The following EPS15L1 variants were observed in gnomAD, a reference collection of about 807,000 sequenced individuals.
EPS15L1 encodes epidermal growth factor receptor pathway substrate 15 like 1, also known as epidermal growth factor receptor substrate 15-like 1.
EPS15L1 carries 43 observed loss-of-function variants against 117.1 expected under a neutral mutation model. That is an observed-to-expected ratio of 0.37 (90% CI 0.29 to 0.47). The LOEUF (loss-of-function observed/expected upper bound fraction) is 0.47, where lower values mean the gene tolerates loss of function less well. Ranked by LOEUF, EPS15L1 falls within the 20% of genes least tolerant of loss-of-function variation. EPS15L1 has a pLI of 0.99. For synonymous variants in EPS15L1, 459 were observed against 470.5 expected (o/e 0.98, Z 0.32); for missense variants, 981 against 1,164.0 (o/e 0.84, Z 2.29).
Position 16,404,457 on chromosome 19 carries a change from T to C in EPS15L1, c.1428+131A>G. On this transcript the variant is annotated intron_variant, in intron 14 of 23. Transcript: ENST00000455140. The surrounding 1 kb of genome is among the most constrained non-coding windows in gnomAD (Gnocchi z 4.2). ...GGTGCTTGGACACTTTTCCACGTGG[T>C]GTTTGGAGGAACTCTATTGACCCAG... The C allele has an allele frequency of 9.9e-7, 1 of 1,012,054 alleles. No homozygotes were observed. The highest frequency in any genetic ancestry group is 1.4e-6 in the Non-Finnish European group (1 of 696,326). 62.7% of individuals were successfully genotyped at this position (1,012,054 alleles called of 1,614,324 possible). A position where few individuals can be genotyped will look rare whatever the true frequency, so the allele number is the denominator to read the frequency against.
In EPS15L1 at chr19:16,436,942, C is replaced by G; in HGVS notation, c.367G>C (p.Val123Leu). 1 of 1,613,424 alleles carries G rather than the reference C, an allele frequency of 6.2e-7. No individual in the cohort carries two copies. Among genetic ancestry groups the G allele is most frequent in the African/African-American group, 1.3e-5 (1 of 75,040 alleles). ...AGCTATTCCCGTTCACTTACCCTCA[C>G]AGCCCAGTGGGCCTCTGCAGAGGGC... The part of the protein sequence containing the change: ...TPPSAEAHWA[V>L]RVEEKAKFDG... The change falls in exon 6 of 24, where the codon GTG becomes CTG. Residue 123 changes from valine (V) to leucine (L), a missense_variant. Coordinates refer to ENST00000455140, the MANE Select transcript of EPS15L1 (RefSeq NM_001258374.3).
chr19:16,414,135 C>T (rs990799595), intron 12 of EPS15L1, among the ~76,000 whole-genome samples: 1 of 152,088 alleles, frequency 6.6e-6, no homozygotes, highest in Non-Finnish European at 1.5e-5. Flanking sequence ...TGATAAGGAC[C>T]CAGAGCGCCC....
chr19:16,385,021 C>T (rs906364853), intron 21 of EPS15L1, 108 bp downstream of exon 21: 35 of 856,360 alleles, frequency 4.1e-5, no homozygotes, highest in Admixed American at 4.0e-4. Context: ...TGGAAAGGTG[C>T]CGGGGAGATA....
At chr19:16,368,861 G>A (rs1413858094) in intron 22 of EPS15L1, among the ~76,000 whole-genome samples, 1 of 152,198 alleles carries the variant, frequency 6.6e-6, no homozygotes, top group Non-Finnish European at 1.5e-5. Context: ...CAACACAGAT[G>A]CCCATACAAC....
At chr19:16,375,923 G>A (rs1355855292) in intron 22 of EPS15L1, among the ~76,000 whole-genome samples, 3 of 152,204 alleles carry the variant, frequency 2.0e-5, no homozygotes, top group Admixed American at 6.5e-5. Context: ...ACAGGTGGCC[G>A]AGGTGCAGGA....
intron 23 of EPS15L1, among the ~76,000 whole-genome samples, chr19:16,360,774 C>T (rs749794018): frequency 6.6e-6 from 1 of 152,030 alleles, no homozygotes; most frequent in Non-Finnish European, 1.5e-5. Context: ...ACAAATAAGC[C>T]ATAGGATAGC....
At chr19:16,467,028 T>A (rs751969566) in intron 1 of EPS15L1, among the ~76,000 whole-genome samples, 14 of 151,592 alleles carry the variant, frequency 9.2e-5, no homozygotes, top group Non-Finnish European at 1.9e-4. Context: ...AAAACTAAGG[T>A]ACAGAAAGTA....
chr19:16,449,912 A>G (rs2093123434), intron 1 of EPS15L1, among the ~76,000 whole-genome samples: 1 of 152,234 alleles, frequency 6.6e-6, no homozygotes, highest in South Asian at 2.1e-4. Flanking sequence ...AAGGTTACAT[A>G]CTGAATAATT....
intron 13 of EPS15L1, among the ~76,000 whole-genome samples, chr19:16,406,091 C>T (rs890505910): frequency 6.6e-5 from 10 of 152,112 alleles, no homozygotes; most frequent in East Asian, 1.9e-4. Context: ...GGGCTGAGTC[C>T]GAGAGCCAGC....
intron 8 of EPS15L1, among the ~76,000 whole-genome samples, chr19:16,427,345 A>G (rs1308108848): frequency 1.3e-5 from 2 of 152,150 alleles, no homozygotes; most frequent in African/African-American, 4.8e-5. Flanking sequence ...AATGCCTGGG[A>G]CCACAGGGTT....
At chr19:16,392,547 T>C in intron 18 of EPS15L1, 107 bp from the exon 19 acceptor site, 1 of 1,129,662 alleles carries the variant, frequency 8.9e-7, no homozygotes, top group Non-Finnish European at 1.3e-6. Flanking sequence ...TCTAGAAAGG[T>C]AAGAACGCTA....
Position 16,392,332 on chromosome 19 carries a change from A to T in EPS15L1, c.2075T>A (p.Phe692Tyr), listed in dbSNP as rs768331449. 2 of 1,614,162 alleles carry T rather than the reference A, an allele frequency of 1.2e-6. No homozygotes were observed. Among genetic ancestry groups the T allele is most frequent in the Admixed American group, 1.7e-5 (1 of 60,018 alleles). Residue 692 changes from phenylalanine (F) to tyrosine (Y), a missense_variant, in exon 19 of 24, where the codon TTC becomes TAC. By Grantham distance (22) the Phe-to-Tyr change is conservative. Coordinates refer to ENST00000455140, the MANE Select transcript of EPS15L1 (RefSeq NM_001258374.3). ...TKNDPFTSDP[F>Y]TKNPSLPSKL... ...CGAAGGTAAGGAAGGGTTTTTCGTGAATGGATCCGAGGTAAATGGGTCATT... is the reference window on the plus strand; with the variant it reads ...CGAAGGTAAGGAAGGGTTTTTCGTGTATGGATCCGAGGTAAATGGGTCATT...
At chr19:16,440,041 C>A (rs1293896876) in intron 4 of EPS15L1, among the ~76,000 whole-genome samples, 1 of 144,226 alleles carries the variant, frequency 6.9e-6, no homozygotes, top group Non-Finnish European at 1.5e-5. Context: ...GCACTCCAGC[C>A]TGGGCAAGAG....
At chr19:16,412,820 G>A (rs889362498) in intron 13 of EPS15L1, 44 of 500,578 alleles carry the variant, frequency 8.8e-5, no homozygotes, top group South Asian at 6.0e-4. Context: ...GGACAGCACC[G>A]GAGCCGGGAC....
Position 16,460,289 on chromosome 19 carries a change from A to G in EPS15L1, c.33+11624T>C, listed in dbSNP as rs183645945. Among the ~76,000 whole-genome samples the G allele has an allele frequency of 1.1e-3, 161 of 152,300 alleles. 2 individuals carry two copies. The highest frequency in any genetic ancestry group is 7.5e-3 in the South Asian group (36 of 4,828). ...ACAGAGCCTGTCTCTAAAAATAAAA[A>G]AAGAACAGTGTTTCACCAATTCTCT... On this transcript the variant is annotated intron_variant, in intron 1 of 23. Coordinates refer to ENST00000455140, the MANE Select transcript of EPS15L1 (RefSeq NM_001258374.3).
chr19:16,417,779 G>T, intron 11 of EPS15L1, 142 bp from the exon 12 acceptor site: 2 of 1,176,382 alleles, frequency 1.7e-6, no homozygotes, highest in Non-Finnish European at 2.4e-6. Flanking sequence ...CCCCCTGCCT[G>T]GGGAAATACC....
chr19:16,380,572 AG>A (rs1452344473), intron 21 of EPS15L1, among the ~76,000 whole-genome samples: 1 of 151,878 alleles, frequency 6.6e-6, no homozygotes, highest in Non-Finnish European at 1.5e-5. Context: ...CTAAGGCTCC[AG>A]GGTCTAGTCA....
At chr19:16,465,049 A>T (rs1568474046) in intron 1 of EPS15L1, among the ~76,000 whole-genome samples, 1 of 151,976 alleles carries the variant, frequency 6.6e-6, no homozygotes, top group Non-Finnish European at 1.5e-5. Flanking sequence ...ACTGCACTCC[A>T]GCCTGGGCAA....
intron 10 of EPS15L1, among the ~76,000 whole-genome samples, 178 bp from the exon 11 acceptor site, chr19:16,418,282 C>A (rs980963882): frequency 2.0e-5 from 3 of 152,162 alleles, no homozygotes; most frequent in Non-Finnish European, 4.4e-5. Context: ...CCCAGGGGTT[C>A]CCCGCTCCCA....
Sources: gnomAD v4.1 joint callset for allele counts (sites outside exome capture counted in the v4.1 genomes callset) on GRCh38, gnomAD v4.1.1 for gene constraint, Gnocchi (gnomAD v3.1) non-coding constraint, MANE v1.5 for transcripts, NCBI Gene and HGNC (gene_info 2026-07-23, HGNC 2026-07-21) for gene names.